Variants in XYLT1 observed in about 807,000 individuals in gnomAD.
XYLT1 encodes xylosyltransferase 1, also known as beta-D-xylosyltransferase 1.
A neutral mutation model predicts 91.3 loss-of-function variants in XYLT1; 36 were observed. The ratio of observed to expected loss-of-function variants is 0.39; its 90% CI spans 0.30 to 0.52. The LOEUF is 0.52. Ranked by LOEUF, XYLT1 falls within the 20% of genes least tolerant of loss-of-function variation. The probability of loss-of-function intolerance (pLI) is 0.68; values close to 1 mark genes in which losing one functional copy is unlikely to be tolerated. For synonymous variants in XYLT1, 588 were observed against 532.0 expected (o/e 1.11, Z -1.45); for missense variants, 1,242 against 1,284.5 (o/e 0.97, Z 0.51).
intron 1 of XYLT1, among the ~76,000 whole-genome samples, chr16:17,403,053 C>T (rs372409788): frequency 6.6e-6 from 1 of 152,144 alleles, no homozygotes; most frequent in Non-Finnish European, 1.5e-5. Context: ...GACCATCATC[C>T]CAGCTTCCAG....
intron 2 of XYLT1, among the ~76,000 whole-genome samples, chr16:17,346,403 G>A (rs2035144897): frequency 6.6e-6 from 1 of 152,118 alleles, no homozygotes. Flanking sequence ...AGGCCAGGTG[G>A]GGACTTCTAT....
chr16:17,244,362 C>T (rs2033400211), intron 3 of XYLT1, among the ~76,000 whole-genome samples: 1 of 152,004 alleles, frequency 6.6e-6, no homozygotes, highest in Non-Finnish European at 1.5e-5. Flanking sequence ...GAGGACTAGG[C>T]ACGAGAGATG....
chr16:17,121,961 G>GGT (rs1388415325), intron 10 of XYLT1, among the ~76,000 whole-genome samples: 21 of 145,982 alleles, frequency 1.4e-4, no homozygotes, highest in Non-Finnish European at 2.5e-4. Flanking sequence ...TATTCCATGG[G>GGT]GTATATATAT....
chr16:17,354,373 T>C (rs1403979360), intron 2 of XYLT1, among the ~76,000 whole-genome samples: 2 of 152,162 alleles, frequency 1.3e-5, no homozygotes, highest in Non-Finnish European at 2.9e-5. Flanking sequence ...CAGCAGCCAA[T>C]CAATCCATCT....
chr16:17,192,078 GTCTCTC>G (rs1208941855), intron 5 of XYLT1, among the ~76,000 whole-genome samples: 1 of 148,394 alleles, frequency 6.7e-6, no homozygotes, highest in African/African-American at 2.5e-5. Flanking sequence ...GAGGCGTGAG[GTCTCTC>G]TCTCTCTCTT....
intron 5 of XYLT1, among the ~76,000 whole-genome samples, chr16:17,181,537 T>C (rs1567311262): frequency 1.3e-5 from 2 of 152,206 alleles, no homozygotes; most frequent in Non-Finnish European, 2.9e-5. Context: ...TCCACTATCT[T>C]TCATGTTTCT....
Position 17,106,592 on chromosome 16 carries a change from GGGAA to G in XYLT1, c.*2099_*2102del, listed in dbSNP as rs1966778938. The G allele has an allele frequency of 6.6e-6, 1 of 152,228 alleles. No individual in the cohort carries two copies. 9.4% of individuals were successfully genotyped at this position (152,228 alleles called of 1,614,324 possible). The stretch of plus-strand genomic sequence containing the variant: ...GAATGCCCATAATTAGATGGGCCAT[GGGAA>G]GGCAACCACGGAGCAAGCAGGAATG... On this transcript the variant is annotated 3_prime_UTR_variant, in exon 12 of 12. Coordinates refer to ENST00000261381, the MANE Select transcript of XYLT1 (RefSeq NM_022166.4).
intron 3 of XYLT1, among the ~76,000 whole-genome samples, chr16:17,225,435 T>C (rs1024239422): frequency 6.6e-6 from 1 of 152,162 alleles, no homozygotes; most frequent in Non-Finnish European, 1.5e-5. Flanking sequence ...TTTCTGAGCA[T>C]GAGCTCAGGT....
chr16:17,273,364 A>G (rs1208440602), intron 2 of XYLT1, among the ~76,000 whole-genome samples: 1 of 152,186 alleles, frequency 6.6e-6, no homozygotes, highest in Non-Finnish European at 1.5e-5. Context: ...CACTGACTCA[A>G]TACGCAGTAG....
At position 17,159,522 on chromosome 16, in the gene XYLT1, T is replaced by C. The variant is rs2031496858; in HGVS notation, c.1290-613A>G. Reference sequence around the variant, plus strand: ...GAGGACAGAGCCCAGCTGGATTTGTTCAACACTGGCATACAGTAGGAGCTA... The same window carrying C: ...GAGGACAGAGCCCAGCTGGATTTGTCCAACACTGGCATACAGTAGGAGCTA... On this transcript the variant is annotated intron_variant, in intron 5 of 11. Coordinates refer to ENST00000261381, the MANE Select transcript of XYLT1 (RefSeq NM_022166.4). Among the ~76,000 whole-genome samples, 3 of 152,162 alleles carry C rather than the reference T, an allele frequency of 2.0e-5. 1 individual carries two copies. Among genetic ancestry groups the C allele is most frequent in the Non-Finnish European group, 2.9e-5 (2 of 68,028 alleles).
At chr16:17,277,047 G>C (rs2033987930) in intron 2 of XYLT1, among the ~76,000 whole-genome samples, 2 of 152,178 alleles carry the variant, frequency 1.3e-5, no homozygotes, top group African/African-American at 4.8e-5. Flanking sequence ...GTACATCTTA[G>C]GTGCTGGGGA....
At chr16:17,112,542 A>T (rs9926980) in intron 11 of XYLT1, among the ~76,000 whole-genome samples, 93,904 of 151,784 alleles carry the variant, frequency 0.62, 30,355 homozygotes, top group Non-Finnish European at 0.7. Flanking sequence ...CTTCATTCTG[A>T]CCAACAGGTG....
chr16:17,314,087 A>T (rs1418068483), intron 2 of XYLT1, among the ~76,000 whole-genome samples: 1 of 152,186 alleles, frequency 6.6e-6, no homozygotes, highest in Non-Finnish European at 1.5e-5. Context: ...CTGCAGGCCA[A>T]ACCAAACTTG....
chr16:17,219,316 AAG>A (rs2032920652), intron 3 of XYLT1, among the ~76,000 whole-genome samples: 2 of 151,736 alleles, frequency 1.3e-5, no homozygotes, highest in African/African-American at 4.8e-5. Context: ...AAGAAAAAAA[AAG>A]AGAAATAATT....
chr16:17,356,049 T>C (rs1478412598), intron 2 of XYLT1, among the ~76,000 whole-genome samples: 1 of 151,800 alleles, frequency 6.6e-6, no homozygotes, highest in Non-Finnish European at 1.5e-5. Flanking sequence ...GGAGCTGGCC[T>C]GTGTGTTGTA....
At chr16:17,291,932 ATC>A (rs1395215631) in intron 2 of XYLT1, among the ~76,000 whole-genome samples, 1 of 152,086 alleles carries the variant, frequency 6.6e-6, no homozygotes, top group Non-Finnish European at 1.5e-5. Context: ...GACACCTGTA[ATC>A]CTAGCACTTA....
At chr16:17,124,291 C>A (rs1408956714) in intron 10 of XYLT1, among the ~76,000 whole-genome samples, 2 of 152,178 alleles carry the variant, frequency 1.3e-5, no homozygotes, top group Non-Finnish European at 2.9e-5. Context: ...TTTACAGCTC[C>A]TTTTAGCAGT....
chr16:17,220,596 C>T (rs1395699388), intron 3 of XYLT1, among the ~76,000 whole-genome samples: 2 of 152,208 alleles, frequency 1.3e-5, no homozygotes, highest in African/African-American at 4.8e-5. Context: ...CCTCAGCCTC[C>T]CGAGTAGCTG....
chr16:17,368,591 TA>T (rs1018922900), intron 1 of XYLT1, among the ~76,000 whole-genome samples: 40 of 135,082 alleles, frequency 3.0e-4, no homozygotes, highest in African/African-American at 4.0e-4. Flanking sequence ...GTTTTTACTT[TA>T]AAAAAAAAAA....
Sources: gnomAD v4.1 joint callset for allele counts (sites outside exome capture counted in the v4.1 genomes callset) on GRCh38, gnomAD v4.1.1 for gene constraint, MANE v1.5 for transcripts, NCBI Gene and HGNC (gene_info 2026-07-23, HGNC 2026-07-21) for gene names.